The following PCNX2 variants were observed in gnomAD, a reference collection of about 807,000 sequenced individuals.
The protein encoded by PCNX2 is pecanex 2, also known as pecanex-like protein 2.
PCNX2 carries 168 observed loss-of-function variants against 223.8 expected under a neutral mutation model. The ratio of observed to expected loss-of-function variants is 0.75; its 90% CI spans 0.66 to 0.85. The LOEUF (loss-of-function observed/expected upper bound fraction) is 0.85. PCNX2 is among the 40% of genes least tolerant of loss of function. The pLI, the probability that PCNX2 is intolerant of heterozygous loss-of-function variation, is 0.00. For synonymous variants in PCNX2, 1,006 were observed against 1,052.6 expected (o/e 0.96, Z 0.86); for missense variants, 2,507 against 2,675.5 (o/e 0.94, Z 1.39).
At position 233,113,679 on chromosome 1, in the gene PCNX2, G is replaced by A. The variant is rs1211419644; in HGVS notation, c.3838-17816C>T. On this transcript the variant is annotated intron_variant, in intron 21 of 33. Transcript: ENST00000258229. Reference sequence around the variant, plus strand: ...CTGGGAACACAGACGCACTAGAGGTGTGTGTTCTTTGTTTTCAGGCATAGT... The same window carrying A: ...CTGGGAACACAGACGCACTAGAGGTATGTGTTCTTTGTTTTCAGGCATAGT... Among the ~76,000 whole-genome samples, 3 of 152,340 alleles carry A rather than the reference G, an allele frequency of 2.0e-5. No homozygotes were observed. In the East Asian group the frequency reaches 5.8e-4, roughly 29 times the overall value.
At chr1:233,206,102 C>T (rs369494792) in intron 13 of PCNX2, among the ~76,000 whole-genome samples, 57 of 152,138 alleles carry the variant, frequency 3.7e-4, no homozygotes, top group Admixed American at 1.0e-3. Context: ...ACAGTAATTA[C>T]GGCTCCAGCT....
At chr1:233,174,226 T>C (rs1679337798) in intron 17 of PCNX2, among the ~76,000 whole-genome samples, 1 of 124,406 alleles carries the variant, frequency 8.0e-6, no homozygotes, top group Middle Eastern at 3.4e-3. Context: ...AATTATGTTA[T>C]ATATTTAATT....
chr1:233,316,970 C>A, the PCNX2 span, among the ~76,000 whole-genome samples: 1 of 152,208 alleles, frequency 6.6e-6, no homozygotes, highest in Non-Finnish European at 1.5e-5. Flanking sequence ...TTCCAAATAA[C>A]TAGAATTAAT....
chr1:233,048,588 A>G (rs1317158642), intron 25 of PCNX2, among the ~76,000 whole-genome samples: 1 of 152,238 alleles, frequency 6.6e-6, no homozygotes, highest in African/African-American at 2.4e-5. Flanking sequence ...ATGATGTAAC[A>G]TCACACCTAA....
chr1:233,016,526 C>T (rs1481370510), intron 27 of PCNX2, among the ~76,000 whole-genome samples: 1 of 152,142 alleles, frequency 6.6e-6, no homozygotes, highest in Non-Finnish European at 1.5e-5. Context: ...GTTGGACCAT[C>T]TGATTGCTAA....
At chr1:233,055,786 G>A (rs866523013) in intron 24 of PCNX2, among the ~76,000 whole-genome samples, 10 of 152,100 alleles carry the variant, frequency 6.6e-5, no homozygotes, top group Admixed American at 5.9e-4. Context: ...ACAGACATTC[G>A]GGGAGGACAG....
At chr1:233,236,063 A>G (rs1197481181) in intron 9 of PCNX2, among the ~76,000 whole-genome samples, 1 of 150,218 alleles carries the variant, frequency 6.7e-6, no homozygotes, top group Admixed American at 6.6e-5. Flanking sequence ...ACAGAAATAA[A>G]GAAACTTGAC....
Position 233,249,057 on chromosome 1 carries a change from A to G in PCNX2, c.2222+1682T>C, listed in dbSNP as rs79849906. 7.9e-3 allele frequency among the ~76,000 whole-genome samples: 1,201 copies of G among 152,350 alleles called. 17 individuals carry two copies. Among genetic ancestry groups the G allele is most frequent in the African/African-American group, 0.027 (1,142 of 41,580 alleles). On this transcript the variant is annotated intron_variant, in intron 8 of 33. Transcript: ENST00000258229. ...CGGGGAGAAAGCAAGTTAACAGGTC[A>G]TGCTAGAAGAGGCAGAGCCTAAGGA...
intron 17 of PCNX2, among the ~76,000 whole-genome samples, chr1:233,167,310 G>A (rs1022237295): frequency 7.2e-5 from 11 of 152,074 alleles, no homozygotes; most frequent in Middle Eastern, 3.2e-3. Context: ...CAAATACTGC[G>A]TGATTTCACT....
chr1:233,211,752 G>C (rs1214551916), intron 12 of PCNX2: 3 of 984,374 alleles, frequency 3.0e-6, no homozygotes, highest in Non-Finnish European at 3.6e-6. Context: ...CAAGGACTCA[G>C]CCTGACATCA....
At chr1:233,029,847 A>G (rs55976741) in intron 25 of PCNX2, among the ~76,000 whole-genome samples, 2 of 152,302 alleles carry the variant, frequency 1.3e-5, no homozygotes, top group Non-Finnish European at 2.9e-5. Flanking sequence ...ACGATTACAA[A>G]TCTCACATGT....
At chr1:233,104,102 T>C (rs1030278492) in intron 21 of PCNX2, among the ~76,000 whole-genome samples, 6 of 151,974 alleles carry the variant, frequency 3.9e-5, no homozygotes, top group African/African-American at 1.2e-4. Flanking sequence ...TTTTGTTCAA[T>C]AGATGGTAAG....
intron 23 of PCNX2, among the ~76,000 whole-genome samples, chr1:233,066,437 G>A (rs952845763): frequency 6.6e-6 from 1 of 152,170 alleles, no homozygotes; most frequent in African/African-American, 2.4e-5. Context: ...GAGTTTTTAG[G>A]TGCCACCATA....
intron 28 of PCNX2, among the ~76,000 whole-genome samples, chr1:233,003,042 C>T (rs990881321): frequency 6.6e-6 from 1 of 151,708 alleles, no homozygotes; most frequent in African/African-American, 2.4e-5. Context: ...GACCTAAAAC[C>T]ATAAAAATCT....
chr1:233,161,068 C>A (rs115274025), intron 18 of PCNX2, among the ~76,000 whole-genome samples: 1,567 of 152,262 alleles, frequency 0.01, 27 homozygotes, highest in African/African-American at 0.035. Context: ...ATAAAGCAAT[C>A]GAACCCTATC....
the PCNX2 span, among the ~76,000 whole-genome samples, chr1:233,309,358 A>G: frequency 6.6e-6 from 1 of 152,022 alleles, no homozygotes; most frequent in East Asian, 1.9e-4. Flanking sequence ...CCTGATCAAC[A>G]TGATGAAACC....
At chr1:233,125,277 G>A (rs529652582) in intron 21 of PCNX2, among the ~76,000 whole-genome samples, 12 of 152,102 alleles carry the variant, frequency 7.9e-5, no homozygotes, top group Non-Finnish European at 1.8e-4. Context: ...ACTTAATTTT[G>A]TTTCACGGGT....
intron 23 of PCNX2, chr1:233,057,678 T>C (rs76913688): frequency 0.049 from 6,859 of 139,514 alleles, 168 homozygotes; most frequent in East Asian, 0.11. Flanking sequence ...GGTACCAGTC[T>C]GGCAAACAGT....
At chr1:233,140,241 A>T (rs1677029497) in intron 19 of PCNX2, among the ~76,000 whole-genome samples, 1 of 152,162 alleles carries the variant, frequency 6.6e-6, no homozygotes. Context: ...GCTAGGGTTC[A>T]CTTCTGTGGC....
Sources: allele counts gnomAD v4.1 joint callset (sites outside exome capture counted in the v4.1 genomes callset), GRCh38; gene constraint gnomAD v4.1.1; transcripts MANE v1.5; gene names NCBI Gene and HGNC (gene_info 2026-07-23, HGNC 2026-07-21).